Variants in ST3GAL4 observed in about 807,000 individuals in gnomAD.
The protein encoded by ST3GAL4 is ST3 beta-galactoside alpha-2,3-sialyltransferase 4, also known as CMP-N-acetylneuraminate-beta-galactosamide-alpha-2,3-sialyltransferase 4.
In ST3GAL4, 24 loss-of-function variants were observed where a neutral mutation model predicts 42.6. The observed-to-expected ratio is 0.56, with a 90% CI of 0.41 to 0.79. ST3GAL4 has a LOEUF of 0.79. Among genes scored for constraint, ST3GAL4 ranks in the 30% least tolerant of loss-of-function variants. The probability of loss-of-function intolerance (pLI) is 0.00; values close to 1 mark genes in which losing one functional copy is unlikely to be tolerated. For synonymous variants in ST3GAL4, 135 were observed against 163.2 expected, an observed-to-expected ratio of 0.83 and a Z score of 1.32; for missense variants, 311 against 430.8, an observed-to-expected ratio of 0.72 and a Z score of 2.46.
At chr11:126,374,028 C>T (rs542670493) in intron 1 of ST3GAL4, among the ~76,000 whole-genome samples, 7 of 152,078 alleles carry the variant, frequency 4.6e-5, no homozygotes, top group South Asian at 2.1e-4. Flanking sequence ...TGCTGGGTGC[C>T]GGGCACTATT....
At chr11:126,370,353 C>T (rs146734970) in intron 1 of ST3GAL4, among the ~76,000 whole-genome samples, 4 of 152,200 alleles carry the variant, frequency 2.6e-5, no homozygotes, top group South Asian at 2.1e-4. Flanking sequence ...TCAACCACAC[C>T]GGAAGTTTTA....
At chr11:126,370,073 C>T (rs997760130) in intron 1 of ST3GAL4, among the ~76,000 whole-genome samples, 1 of 152,196 alleles carries the variant, frequency 6.6e-6, no homozygotes, top group Non-Finnish European at 1.5e-5. Flanking sequence ...ATGTTTCCAT[C>T]TTATGCTGTT....
intron 10 of ST3GAL4, 147 bp from the exon 11 acceptor site, chr11:126,413,814 A>G (rs1954631503): frequency 7.2e-7 from 1 of 1,382,076 alleles, no homozygotes; most frequent in Admixed American, 2.1e-5. Flanking sequence ...ATGTTCAGCC[A>G]CATGGGCTTT....
Position 126,410,862 on chromosome 11 carries a change from G to A in ST3GAL4, c.771+1451G>A, listed in dbSNP as rs1436998305. 6.6e-6 allele frequency among the ~76,000 whole-genome samples: 1 copy of A among 152,220 alleles called. No homozygotes were observed. The highest frequency in any genetic ancestry group is 2.4e-5 in the African/African-American group (1 of 41,458). On this transcript the variant is annotated intron_variant, in intron 9 of 10. Transcript: ENST00000444328. The surrounding 1 kb of genome is among the most constrained non-coding windows in gnomAD (Gnocchi z 5.3). ...CTCAGAGGAGGGGCAGACATCTGCT[G>A]AGAGATGTCTGGGAGGCTCCCCAGA... is the stretch of plus-strand genomic sequence containing the variant.
At position 126,383,461 on chromosome 11, in the gene ST3GAL4, C is replaced by G. The variant is rs1953088024; in HGVS notation, c.-60-22635C>G. Among the ~76,000 whole-genome samples, 1 of 152,150 alleles carries G rather than the reference C, an allele frequency of 6.6e-6. No homozygotes were observed. The highest frequency in any genetic ancestry group is 1.5e-5 in the Non-Finnish European group (1 of 68,018). ...AGCAGCAGCTGAGCCCAGCCCCCGG[C>G]CAGCCCTGAGGAATGGGGGAAAAGA... On this transcript the variant is annotated intron_variant, in intron 1 of 10. Coordinates refer to ENST00000444328, the MANE Select transcript of ST3GAL4 (RefSeq NM_001254757.2). This position sits in a 1 kb window ranked among gnomAD's most constrained non-coding sequence, Gnocchi z 4.5.
intron 1 of ST3GAL4, among the ~76,000 whole-genome samples, chr11:126,375,486 T>G (rs1250740721): frequency 6.6e-6 from 1 of 152,104 alleles, no homozygotes; most frequent in Non-Finnish European, 1.5e-5. Context: ...ATGTGGGGGT[T>G]CTGGCTGAAG....
chr11:126,358,965 C>T (rs1209608633), intron 1 of ST3GAL4, among the ~76,000 whole-genome samples: 1 of 152,200 alleles, frequency 6.6e-6, no homozygotes, highest in Admixed American at 6.5e-5. Context: ...GTGAGGAAGG[C>T]CTGGCCTGGC....
intron 1 of ST3GAL4, among the ~76,000 whole-genome samples, chr11:126,357,993 G>C (rs982960199): frequency 6.6e-6 from 1 of 152,254 alleles, no homozygotes; most frequent in Non-Finnish European, 1.5e-5. Flanking sequence ...GAGCTGGCTG[G>C]GGGGCCTGCA....
At chr11:126,368,146 C>CAA (rs59203608) in intron 1 of ST3GAL4, among the ~76,000 whole-genome samples, 4,528 of 125,038 alleles carry the variant, frequency 0.036, 235 homozygotes, top group African/African-American at 0.12. Context: ...GACTGTCTCA[C>CAA]AAAAAAAAAA....
chr11:126,357,694 G>A (rs563578840), intron 1 of ST3GAL4, among the ~76,000 whole-genome samples: 7 of 152,200 alleles, frequency 4.6e-5, no homozygotes, highest in Non-Finnish European at 8.8e-5. Flanking sequence ...GGAGCAGAGA[G>A]ACCAAACCCC....
rs1363483616 is a variant in ST3GAL4, at chr11:126,363,818, A to G, written c.-61+7976A>G. Among the ~76,000 whole-genome samples the G allele has an allele frequency of 1.3e-5, 2 of 152,150 alleles. No individual in the cohort carries two copies. Among genetic ancestry groups the G allele is most frequent in the African/African-American group, 4.8e-5 (2 of 41,436 alleles). ...ACACAGTTTTCTACTCTCAGACCCC[A>G]TTGAGGTGAGCACACAACAGTGTTC... On this transcript the variant is annotated intron_variant, in intron 1 of 10. Coordinates refer to ENST00000444328, the MANE Select transcript of ST3GAL4 (RefSeq NM_001254757.2). The surrounding 1 kb of genome is among the most constrained non-coding windows in gnomAD (Gnocchi z 4.6).
Position 126,409,297 on chromosome 11 carries a change from C to T in ST3GAL4, c.657C>T (p.Pro219=). 5.0e-6 allele frequency: 8 copies of T among 1,614,256 alleles called. No homozygotes were observed. Among genetic ancestry groups the T allele is most frequent in the Non-Finnish European group, 6.8e-6 (8 of 1,180,050 alleles). Residue 219 remains proline, a synonymous_variant, in exon 9 of 11, where the codon CCC becomes CCT. Transcript: ENST00000444328. The surrounding 1 kb of genome is among the most constrained non-coding windows in gnomAD (Gnocchi z 4.9). ...GAAAGGGTTTCTGGAAACAGCCTCC[C>T]CTCATCTGGGATGTCAATCCTAAAC... ...RVRKGFWKQP[P]LIWDVNPKQI... is the part of the protein sequence containing the mutation.
chr11:126,393,669 G>A lies in ST3GAL4; in HGVS notation c.-60-12427G>A, dbSNP rs1164706418. On this transcript the variant is annotated intron_variant, in intron 1 of 10. Transcript: ENST00000444328. This position sits in a 1 kb window ranked among gnomAD's most constrained non-coding sequence, Gnocchi z 5.9. ...CTGGTGCTTCCAGTAGGCACTTGAGGGTGGACACCACCGTCTTCAGGTCAT... is the reference window on the plus strand; with the variant it reads ...CTGGTGCTTCCAGTAGGCACTTGAGAGTGGACACCACCGTCTTCAGGTCAT... Among the ~76,000 whole-genome samples the A allele has an allele frequency of 1.3e-5, 2 of 152,160 alleles. No individual in the cohort carries two copies. The highest frequency in any genetic ancestry group is 4.8e-5 in the African/African-American group (2 of 41,440).
chr11:126,383,999 C>T lies in ST3GAL4; in HGVS notation c.-60-22097C>T, dbSNP rs1953117031. Reference sequence around the variant, plus strand: ...TGCCCACCCTCATCTTTGCCGAGTCCTCGTCTGGGGGCCCTGCCCCACTCT... The same window carrying T: ...TGCCCACCCTCATCTTTGCCGAGTCTTCGTCTGGGGGCCCTGCCCCACTCT... On this transcript the variant is annotated intron_variant, in intron 1 of 10. Coordinates refer to ENST00000444328, the MANE Select transcript of ST3GAL4 (RefSeq NM_001254757.2). This position sits in a 1 kb window ranked among gnomAD's most constrained non-coding sequence, Gnocchi z 4.5. Among the ~76,000 whole-genome samples the T allele has an allele frequency of 6.6e-6, 1 of 152,136 alleles. No individual in the cohort carries two copies. The highest frequency in any genetic ancestry group is 6.5e-5 in the Admixed American group (1 of 15,272).
At chr11:126,377,775 A>G (rs1301129660) in intron 1 of ST3GAL4, among the ~76,000 whole-genome samples, 1 of 152,210 alleles carries the variant, frequency 6.6e-6, no homozygotes, top group Non-Finnish European at 1.5e-5. Context: ...GCGCTCGGCC[A>G]GCAACACCTT....
In ST3GAL4 at chr11:126,398,579, C is replaced by T. The variant is rs1374720820; in HGVS notation, c.-60-7517C>T. 1.3e-5 allele frequency among the ~76,000 whole-genome samples: 2 copies of T among 152,212 alleles called. No individual in the cohort carries two copies. The highest frequency in any genetic ancestry group is 2.9e-5 in the Non-Finnish European group (2 of 68,038). Reference sequence around the variant, plus strand: ...GCCTTACTCCCACAGCTCCACTAGGCTTCCTGGGGACTCTCAGCAGCTCAG... The same window carrying T: ...GCCTTACTCCCACAGCTCCACTAGGTTTCCTGGGGACTCTCAGCAGCTCAG... On this transcript the variant is annotated intron_variant, in intron 1 of 10. Coordinates refer to ENST00000444328, the MANE Select transcript of ST3GAL4 (RefSeq NM_001254757.2). This position sits in a 1 kb window ranked among gnomAD's most constrained non-coding sequence, Gnocchi z 4.7.
At chr11:126,357,974 T>C (rs1467154475) in intron 1 of ST3GAL4, among the ~76,000 whole-genome samples, 1 of 152,236 alleles carries the variant, frequency 6.6e-6, no homozygotes, top group Non-Finnish European at 1.5e-5. Flanking sequence ...CCTGGGCCGA[T>C]AGGGAAAGGA....
In ST3GAL4 at chr11:126,373,805, G is replaced by A. The variant is rs1952738510; in HGVS notation, c.-61+17963G>A. Among the ~76,000 whole-genome samples the A allele has an allele frequency of 6.6e-6, 1 of 152,018 alleles. No individual in the cohort carries two copies. Among genetic ancestry groups the A allele is most frequent in the Admixed American group, 6.6e-5 (1 of 15,254 alleles). On this transcript the variant is annotated intron_variant, in intron 1 of 10. Coordinates refer to ENST00000444328, the MANE Select transcript of ST3GAL4 (RefSeq NM_001254757.2). This position sits in a 1 kb window ranked among gnomAD's most constrained non-coding sequence, Gnocchi z 5.5. ...CACTGTGCTCTCTGCCAACTCTAATGAGCCAGGAAGCCTCCCCGTGCCCAG... is the reference window on the plus strand; with the variant it reads ...CACTGTGCTCTCTGCCAACTCTAATAAGCCAGGAAGCCTCCCCGTGCCCAG...
In ST3GAL4 at chr11:126,406,473, G is replaced by T. The variant is rs200598125; in HGVS notation, c.17G>T (p.Arg6Leu). The T allele has an allele frequency of 1.6e-5, 26 of 1,614,186 alleles. No individual in the cohort carries two copies. Among genetic ancestry groups the T allele is most frequent in the Non-Finnish European group, 2.2e-5 (26 of 1,180,022 alleles). MVSKS[R>L]WKLLAMLALV... ...GCTCCTCTCTGCATGTGTCCTGCAG[G>T]CTGGAAGCTCCTGGCCATGTTGGCT... Residue 6 changes from arginine to leucine, a missense_variant and splice_region_variant, in exon 3 of 11, where the codon CGC becomes CTC. Physicochemically the swap from Arg to Leu is moderately radical, Grantham distance 102. Transcript: ENST00000444328. This position sits in a 1 kb window ranked among gnomAD's most constrained non-coding sequence, Gnocchi z 5.4.
Sources: allele counts gnomAD v4.1 joint callset (sites outside exome capture counted in the v4.1 genomes callset), GRCh38; gene constraint gnomAD v4.1.1; non-coding constraint Gnocchi (gnomAD v3.1); transcripts MANE v1.5; gene names NCBI Gene and HGNC (gene_info 2026-07-23, HGNC 2026-07-21).